The following PCDHA13 variants were observed in gnomAD, a reference collection of about 807,000 sequenced individuals.
PCDHA13 encodes protocadherin alpha-13.
In PCDHA13, 54 loss-of-function variants were observed where a neutral mutation model predicts 64.8. The ratio of observed to expected loss-of-function variants is 0.83; its 90% CI spans 0.67 to 1.04. The LOEUF is 1.04. Ranked by LOEUF, PCDHA13 falls within the 50% of genes least tolerant of loss-of-function variation. The probability of loss-of-function intolerance (pLI) is 0.00; values close to 1 mark genes in which losing one functional copy is unlikely to be tolerated. For missense variants in PCDHA13, 1,248 were observed against 1,254.3 expected (o/e 0.99, Z 0.08); for synonymous variants, 587 against 564.4 (o/e 1.04, Z -0.57).
At chr5:141,000,393 C>CTATAAATATA (rs1563650230) in intron 3 of PCDHA13, among the ~76,000 whole-genome samples, 1 of 52,856 alleles carries the variant, frequency 1.9e-5, no homozygotes, top group African/African-American at 9.2e-5. Flanking sequence ...CTCTCTCTCT[C>CTATAAATATA]TCTATATATA....
At chr5:140,992,020 TGTGTG>T (rs1460938904) in intron 3 of PCDHA13, among the ~76,000 whole-genome samples, 1 of 51,270 alleles carries the variant, frequency 2.0e-5, no homozygotes, top group African/African-American at 5.9e-5. Flanking sequence ...GGTGGCTCTG[TGTGTG>T]TGTGTGTGTG....
At position 141,010,065 on chromosome 5, in the gene PCDHA13, A is replaced by G; in HGVS notation, c.*128A>G. The stretch of plus-strand genomic sequence containing the variant: ...CTTAGAGACCTCAGAAATCTGCAGA[A>G]AGTTCCCTGTGTCTGTCTAGAACGC... On this transcript the variant is annotated 3_prime_UTR_variant, in exon 4 of 4. Coordinates refer to ENST00000289272, the MANE Select transcript of PCDHA13 (RefSeq NM_018904.3). The G allele has an allele frequency of 1.9e-6, 3 of 1,603,546 alleles. No homozygotes were observed. The highest frequency in any genetic ancestry group is 1.1e-5 in the South Asian group (1 of 89,360).
Position 140,927,036 on chromosome 5 carries a change from C to T in PCDHA13, c.2394+42374C>T, listed in dbSNP as rs137875923. 7.2e-5 allele frequency: 116 copies of T among 1,612,314 alleles called. No individual in the cohort carries two copies. In the African/African-American group the frequency reaches 1.3e-3, roughly 19 times the overall value. ...CCGCGGACTTGAGGCTGCCAGCGGC[C>T]GCTATGTCCTCGCGGAACTTTCGCT... On this transcript the variant is annotated intron_variant, in intron 1 of 3. Coordinates refer to ENST00000289272, the MANE Select transcript of PCDHA13 (RefSeq NM_018904.3).
At chr5:140,921,811 T>C (rs1484171257) in intron 1 of PCDHA13, among the ~76,000 whole-genome samples, 1 of 152,096 alleles carries the variant, frequency 6.6e-6, no homozygotes, top group Non-Finnish European at 1.5e-5. Context: ...ATAAGATACA[T>C]GTGTGAATAT....
chr5:140,941,256 T>TTTC (rs2092982969), intron 1 of PCDHA13, among the ~76,000 whole-genome samples: 1 of 45,974 alleles, frequency 2.2e-5, no homozygotes, highest in African/African-American at 7.5e-5. Flanking sequence ...TCTTTCTTTC[T>TTTC]CTTTCTTTCT....
intron 1 of PCDHA13, among the ~76,000 whole-genome samples, chr5:140,898,433 T>G (rs1253149141): frequency 6.6e-5 from 10 of 152,184 alleles, no homozygotes; most frequent in Non-Finnish European, 7.4e-5. Flanking sequence ...CCAGCACCAT[T>G]TATTAAATAG....
At chr5:140,907,647 G>A (rs1336039908) in intron 1 of PCDHA13, among the ~76,000 whole-genome samples, 1 of 152,192 alleles carries the variant, frequency 6.6e-6, no homozygotes, top group East Asian at 1.9e-4. Flanking sequence ...CTGGCAAATT[G>A]GGCACTCAGC....
Position 141,010,368 on chromosome 5 carries a change from C to A in PCDHA13, c.*431C>A. On this transcript the variant is annotated 3_prime_UTR_variant, in exon 4 of 4. Transcript: ENST00000289272. ...GGTATGTGTGGCTACCGCGGGTATG[C>A]GAGTGCCAGATATTGGCTGAGACGA... 2 of 1,471,050 alleles carry A rather than the reference C, an allele frequency of 1.4e-6. No homozygotes were observed. Among genetic ancestry groups the A allele is most frequent in the Non-Finnish European group, 1.8e-6 (2 of 1,106,904 alleles). The allele number at this position is 1,471,050 out of a possible 1,614,324, so 91.1% of individuals were successfully genotyped here. A position where few individuals can be genotyped will look rare whatever the true frequency, so the allele number is the denominator to read the frequency against.
chr5:140,900,063 G>A (rs1554188862), intron 1 of PCDHA13, among the ~76,000 whole-genome samples: 3 of 152,122 alleles, frequency 2.0e-5, no homozygotes, highest in African/African-American at 7.2e-5. Context: ...TTTAACCTCA[G>A]CCTCCAAAAG....
At chr5:140,904,275 C>A (rs169087) in intron 1 of PCDHA13, among the ~76,000 whole-genome samples, 7,060 of 152,068 alleles carry the variant, frequency 0.046, 292 homozygotes, top group African/African-American at 0.11. Flanking sequence ...TGAATGAGAA[C>A]ATGTGGTGTT....
At chr5:140,921,091 C>G (rs893367475) in intron 1 of PCDHA13, among the ~76,000 whole-genome samples, 1 of 152,022 alleles carries the variant, frequency 6.6e-6, no homozygotes, top group Admixed American at 6.5e-5. Flanking sequence ...GAGAATCCTC[C>G]TGCCTCAGTC....
intron 1 of PCDHA13, among the ~76,000 whole-genome samples, chr5:140,941,215 C>CTT (rs782548958): frequency 1.2e-4 from 13 of 104,510 alleles, no homozygotes; most frequent in African/African-American, 4.4e-4. Flanking sequence ...TTCTTTCTTC[C>CTT]TTTCTTTCTT....
intron 1 of PCDHA13, among the ~76,000 whole-genome samples, chr5:140,931,907 G>T (rs573618162): frequency 6.6e-6 from 1 of 151,782 alleles, no homozygotes; most frequent in Non-Finnish European, 1.5e-5. Flanking sequence ...CATTTGAAAA[G>T]CATGACATTT....
At chr5:140,965,851 A>C (rs1257954575) in intron 1 of PCDHA13, among the ~76,000 whole-genome samples, 1 of 152,252 alleles carries the variant, frequency 6.6e-6, no homozygotes, top group Non-Finnish European at 1.5e-5. Flanking sequence ...GCCAAGGCAC[A>C]CACTGAAAAT....
intron 1 of PCDHA13, chr5:140,928,279 TCTCTAGGC>T: frequency 6.2e-7 from 1 of 1,614,144 alleles, no homozygotes; most frequent in Non-Finnish European, 8.5e-7. Flanking sequence ...CCCTGGGGCC[TCTCTAGGC>T]CGAGTGTTTG....
chr5:140,904,738 A>T (rs1373664313), intron 1 of PCDHA13, among the ~76,000 whole-genome samples: 1 of 152,012 alleles, frequency 6.6e-6, no homozygotes, highest in African/African-American at 2.4e-5. Context: ...TTATTTTTTT[A>T]TTATGACCAT....
intron 3 of PCDHA13, among the ~76,000 whole-genome samples, chr5:140,998,363 A>G (rs568271579): frequency 6.6e-6 from 1 of 152,316 alleles, no homozygotes; most frequent in Admixed American, 6.5e-5. Flanking sequence ...TAACCACTGC[A>G]CACACCGTCT....
chr5:140,985,929 CG>C (rs2097179106), intron 3 of PCDHA13, among the ~76,000 whole-genome samples: 1 of 151,796 alleles, frequency 6.6e-6, no homozygotes, highest in Non-Finnish European at 1.5e-5. Flanking sequence ...TTAGTAGAGC[CG>C]GGGTTTCACT....
In PCDHA13 at chr5:141,012,312, C is replaced by CTGT; in HGVS notation, c.*2377_*2379dup. On this transcript the variant is annotated 3_prime_UTR_variant, in exon 4 of 4. Transcript: ENST00000289272. ...TGAATTGGTGCTATTGGTATTTCCT[C>CTGT]TGTTATTGCTAATAAATGAAAATGG... The CTGT allele has an allele frequency of 6.5e-6, 1 of 153,698 alleles. No individual in the cohort carries two copies. Among genetic ancestry groups the CTGT allele is most frequent in the Middle Eastern group, 3.2e-3 (1 of 316 alleles). 9.5% of individuals were successfully genotyped at this position (153,698 alleles called of 1,614,324 possible).
Sources: allele counts gnomAD v4.1 joint callset (sites outside exome capture counted in the v4.1 genomes callset), GRCh38; gene constraint gnomAD v4.1.1; transcripts MANE v1.5; gene names NCBI Gene and HGNC (gene_info 2026-07-23, HGNC 2026-07-21).